Variants in DPP10 observed in about 807,000 individuals in gnomAD.
DPP10 encodes dipeptidyl peptidase like 10.
Under a neutral mutation model 120.9 loss-of-function variants are expected in DPP10, and 33 were observed. That is an observed-to-expected ratio of 0.27 (90% CI 0.21 to 0.37). DPP10 has a LOEUF of 0.37. DPP10 is among the 10% of genes least tolerant of loss of function. The pLI, the probability that DPP10 is intolerant of heterozygous loss-of-function variation, is 1.00. For missense variants in DPP10, 816 were observed against 942.8 expected (o/e 0.87, Z 1.76); for synonymous variants, 337 against 326.1 (o/e 1.03, Z -0.36).
intron 7 of DPP10, among the ~76,000 whole-genome samples, chr2:115,690,572 C>G (rs952893153): frequency 2.6e-5 from 4 of 152,016 alleles, no homozygotes; most frequent in African/African-American, 9.7e-5. Context: ...GCTACCAGGT[C>G]TGGCTAGCTT....
At chr2:114,449,865 T>C (rs1011258656) in intron 1 of DPP10, among the ~76,000 whole-genome samples, 6 of 152,196 alleles carry the variant, frequency 3.9e-5, no homozygotes, top group African/African-American at 1.4e-4. Flanking sequence ...ATAATGATGA[T>C]AAAAATTCAT....
chr2:115,343,345 A>G (rs1574495285), intron 2 of DPP10, among the ~76,000 whole-genome samples: 1 of 152,132 alleles, frequency 6.6e-6, no homozygotes, highest in South Asian at 2.1e-4. Flanking sequence ...TAATTACTCT[A>G]TTTCCTTGGT....
intron 1 of DPP10, among the ~76,000 whole-genome samples, chr2:114,721,854 T>C (rs1701722734): frequency 6.6e-6 from 1 of 152,238 alleles, no homozygotes; most frequent in African/African-American, 2.4e-5. Flanking sequence ...CCAGACAACT[T>C]GAGACTCTAG....
At chr2:115,503,098 A>G (rs1220404788) in intron 4 of DPP10, among the ~76,000 whole-genome samples, 1 of 152,160 alleles carries the variant, frequency 6.6e-6, no homozygotes, top group Non-Finnish European at 1.5e-5. Context: ...GCCTATTTAA[A>G]TACATTCTAC....
intron 1 of DPP10, among the ~76,000 whole-genome samples, chr2:114,987,762 C>T (rs1365825359): frequency 6.7e-6 from 1 of 148,722 alleles, no homozygotes; most frequent in Non-Finnish European, 1.5e-5. Context: ...TTTTATTTCT[C>T]ACTACTAGTA....
At chr2:114,847,510 A>C (rs1296805455) in intron 1 of DPP10, among the ~76,000 whole-genome samples, 4 of 152,198 alleles carry the variant, frequency 2.6e-5, no homozygotes, top group Admixed American at 2.6e-4. Context: ...CCGTACTTCC[A>C]ACTCTTGTAA....
chr2:115,193,502 C>T (rs1346855781), intron 1 of DPP10, among the ~76,000 whole-genome samples: 1 of 152,158 alleles, frequency 6.6e-6, no homozygotes, highest in Non-Finnish European at 1.5e-5. Flanking sequence ...TTCTGATGTC[C>T]AGGGCCATGG....
At chr2:115,362,115 C>T (rs188823378) in intron 3 of DPP10, among the ~76,000 whole-genome samples, 24 of 152,118 alleles carry the variant, frequency 1.6e-4, no homozygotes, top group East Asian at 9.7e-4. Context: ...ACAGTCAATT[C>T]GAATGAGCCA....
chr2:115,062,966 A>G (rs1294261404), intron 1 of DPP10, among the ~76,000 whole-genome samples: 2 of 152,190 alleles, frequency 1.3e-5, no homozygotes, highest in Non-Finnish European at 2.9e-5. Context: ...GAAACACCAC[A>G]CTGTCTTCCA....
At chr2:114,476,591 GTTC>G (rs765437999) in intron 1 of DPP10, among the ~76,000 whole-genome samples, 3 of 152,150 alleles carry the variant, frequency 2.0e-5, no homozygotes, top group Non-Finnish European at 4.4e-5. Context: ...CTATAAAATA[GTTC>G]TTCTTGTGTT....
chr2:115,226,593 G>A (rs1454419599), intron 1 of DPP10, among the ~76,000 whole-genome samples: 2 of 152,132 alleles, frequency 1.3e-5, no homozygotes, highest in African/African-American at 4.8e-5. Flanking sequence ...GTCATATTGT[G>A]TCAGGTAATC....
chr2:115,263,319 C>A lies in DPP10; in HGVS notation c.61-45920C>A, dbSNP rs536647437. On this transcript the variant is annotated intron_variant, in intron 1 of 25. Coordinates refer to ENST00000410059, the MANE Select transcript of DPP10 (RefSeq NM_020868.6). ...CTGGCAAAAGCCTGCATCTCTGGTT[C>A]TCCAGAAGCCCCACCCTTCCCCCTT... Among the ~76,000 whole-genome samples, 242 of 152,300 alleles carry A rather than the reference C, an allele frequency of 1.6e-3. 4 individuals are homozygous for A. The highest frequency in any genetic ancestry group is 0.014 in the Middle Eastern group (4 of 292).
chr2:115,240,114 AC>A (rs2058203086), intron 1 of DPP10, among the ~76,000 whole-genome samples: 1 of 152,144 alleles, frequency 6.6e-6, no homozygotes, highest in Admixed American at 6.5e-5. Flanking sequence ...TTGGATATAC[AC>A]CCAGTAATGG....
chr2:114,834,778 AT>A (rs1484374048), intron 1 of DPP10, among the ~76,000 whole-genome samples: 2 of 147,416 alleles, frequency 1.4e-5, no homozygotes, highest in African/African-American at 5.0e-5. Context: ...CTATGTATAT[AT>A]AAGCCATGTC....
rs1559062135 is a variant in DPP10 at position 115,712,545 on chromosome 2, TATA to T, written c.577-15270_577-15268del. 5.9e-4 allele frequency among the ~76,000 whole-genome samples: 55 copies of T among 92,942 alleles called. 5 individuals carry two copies. Among genetic ancestry groups the T allele is most frequent in the Admixed American group, 2.4e-3 (16 of 6,548 alleles). The allele number at this position is 92,942 out of a possible 152,430, so 61.0% of individuals were successfully genotyped here. A position where few individuals can be genotyped will look rare whatever the true frequency, so the allele number is the denominator to read the frequency against. ...TAGCTTTGAAGAGTCCTGAATTAAA[TATA>T]TATATATATATATATATAAAGAAAC... is the stretch of plus-strand genomic sequence containing the variant. On this transcript the variant is annotated intron_variant, in intron 7 of 25. Coordinates refer to ENST00000410059, the MANE Select transcript of DPP10 (RefSeq NM_020868.6).
intron 1 of DPP10, among the ~76,000 whole-genome samples, chr2:114,851,916 C>T (rs1688972522): frequency 1.3e-5 from 2 of 152,016 alleles, no homozygotes; most frequent in South Asian, 4.2e-4. Flanking sequence ...CTTTATTTCT[C>T]TTGGAGTTTT....
At chr2:115,696,072 A>G (rs2091572397) in intron 7 of DPP10, among the ~76,000 whole-genome samples, 1 of 152,160 alleles carries the variant, frequency 6.6e-6, no homozygotes. Flanking sequence ...AACATAAAAA[A>G]TAAAAGACTG....
At chr2:114,930,012 C>T (rs948957553) in intron 1 of DPP10, among the ~76,000 whole-genome samples, 1 of 152,200 alleles carries the variant, frequency 6.6e-6, no homozygotes, top group Non-Finnish European at 1.5e-5. Flanking sequence ...CAGCAGGGAG[C>T]AGTATCCCAG....
At chr2:115,498,934 T>G (rs760328939) in intron 3 of DPP10, among the ~76,000 whole-genome samples, 2 of 152,008 alleles carry the variant, frequency 1.3e-5, no homozygotes, top group Non-Finnish European at 2.9e-5. Context: ...TTCATTGATA[T>G]AGTAGTAGCC....
Sources: gnomAD v4.1 joint callset for allele counts (sites outside exome capture counted in the v4.1 genomes callset) on GRCh38, gnomAD v4.1.1 for gene constraint, MANE v1.5 for transcripts, NCBI Gene and HGNC (gene_info 2026-07-23, HGNC 2026-07-21) for gene names.